The following SYTL5 variants were observed in gnomAD, a reference collection of about 807,000 sequenced individuals.
SYTL5 encodes synaptotagmin like 5, also known as synaptotagmin-like protein 5.
A neutral mutation model predicts 55.9 loss-of-function variants in SYTL5; 34 were observed. The observed-to-expected ratio is 0.61, with a 90% CI of 0.46 to 0.81. The LOEUF (loss-of-function observed/expected upper bound fraction) is 0.81. SYTL5 is among the 30% of genes least tolerant of loss of function. The probability of loss-of-function intolerance (pLI) is 0.00; values close to 1 mark genes in which losing one functional copy is unlikely to be tolerated. For missense variants in SYTL5, 637 were observed against 546.7 expected, an observed-to-expected ratio of 1.17 and a Z score of -1.65; for synonymous variants, 221 against 188.7, an observed-to-expected ratio of 1.17 and a Z score of -1.40.
the SYTL5 span, among the ~76,000 whole-genome samples, chrX:37,935,953 A>G: frequency 8.6e-3 from 963 of 112,272 alleles, 10 homozygotes; most frequent in African/African-American, 0.03. Flanking sequence ...TTTAAAAATG[A>G]TACAACTGTA....
At chrX:38,064,889 T>G (rs1936058537) in intron 3 of SYTL5, among the ~76,000 whole-genome samples, 1 of 111,523 alleles carries the variant, frequency 9.0e-6, no homozygotes, top group Admixed American at 9.5e-5. Context: ...TATTGTTTCT[T>G]AAATTATAGA....
chrX:37,910,545 G>A, the SYTL5 span, among the ~76,000 whole-genome samples: 2 of 112,139 alleles, frequency 1.8e-5, no homozygotes, highest in African/African-American at 6.5e-5. Flanking sequence ...GTCACCTGGA[G>A]GCCTTATTAA....
the SYTL5 span, among the ~76,000 whole-genome samples, chrX:37,938,048 G>T: frequency 8.9e-6 from 1 of 112,286 alleles, no homozygotes; most frequent in Admixed American, 9.4e-5. Flanking sequence ...TGTGAGAAAT[G>T]AATACATGAT....
At chrX:37,974,180 A>G in the SYTL5 span, among the ~76,000 whole-genome samples, 1 of 111,869 alleles carries the variant, frequency 8.9e-6, no homozygotes, top group South Asian at 3.7e-4. Context: ...AAAATTTGCT[A>G]AATAAATGTC....
chrX:37,982,510 A>G, the SYTL5 span, among the ~76,000 whole-genome samples: 1 of 112,839 alleles, frequency 8.9e-6, no homozygotes, highest in East Asian at 2.7e-4. Flanking sequence ...GAGCACTGGT[A>G]AAGGTAATTA....
At chrX:37,957,372 C>A in the SYTL5 span, among the ~76,000 whole-genome samples, 1 of 111,751 alleles carries the variant, frequency 8.9e-6, no homozygotes, top group Non-Finnish European at 1.9e-5. Flanking sequence ...CATTATGAAG[C>A]TTTCCCTGCT....
At chrX:37,903,150 C>T in the SYTL5 span, among the ~76,000 whole-genome samples, 1 of 111,106 alleles carries the variant, frequency 9.0e-6, no homozygotes, top group Non-Finnish European at 1.9e-5. Context: ...GGCGATTCCT[C>T]AGGGATCTAG....
chrX:38,084,588 G>T (rs1351959961), intron 6 of SYTL5, among the ~76,000 whole-genome samples: 1 of 110,940 alleles, frequency 9.0e-6, no homozygotes, highest in African/African-American at 3.3e-5. Flanking sequence ...TGCTTGGTGT[G>T]TGGGGAAAAA....
chrX:38,002,894 G>C (rs1933891616), upstream of SYTL5, among the ~76,000 whole-genome samples: 2 of 111,588 alleles, frequency 1.8e-5, no homozygotes, highest in Non-Finnish European at 3.8e-5. Context: ...TGTCAATTTT[G>C]TCTTTTGTTG....
At chrX:37,958,908 A>G in the SYTL5 span, among the ~76,000 whole-genome samples, 1 of 112,433 alleles carries the variant, frequency 8.9e-6, no homozygotes, top group African/African-American at 3.2e-5. Context: ...GCTTAGAATG[A>G]TCTTTCACTC....
At chrX:37,922,798 G>A in the SYTL5 span, among the ~76,000 whole-genome samples, 1 of 111,250 alleles carries the variant, frequency 9.0e-6, no homozygotes, top group Middle Eastern at 4.2e-3. Context: ...GTATTTTTAC[G>A]TGTGTCACAA....
At position 38,087,895 on chromosome X, in the gene SYTL5, G is replaced by A. The variant is rs142765820; in HGVS notation, c.690-1551G>A. ...CTCTATGATAGCATAGTGGTATGTC[G>A]GTGTGTGTATGCATGTGTGTTTGTG... On this transcript the variant is annotated intron_variant, in intron 6 of 16. Transcript: ENST00000297875. 9.9e-3 allele frequency among the ~76,000 whole-genome samples: 1,097 copies of A among 111,208 alleles called. 6 individuals are homozygous for A. The highest frequency in any genetic ancestry group is 0.025 in the South Asian group (66 of 2,618).
intron 12 of SYTL5, among the ~76,000 whole-genome samples, chrX:38,109,483 G>A (rs1937304371): frequency 9.0e-6 from 1 of 110,805 alleles, no homozygotes; most frequent in Admixed American, 9.7e-5. Flanking sequence ...GTGTGTGGAA[G>A]CAGGAACTAA....
the SYTL5 span, among the ~76,000 whole-genome samples, chrX:37,916,459 T>C: frequency 8.9e-6 from 1 of 112,439 alleles, no homozygotes; most frequent in African/African-American, 3.2e-5. Flanking sequence ...AGATCAGGTA[T>C]AGTTATTTAT....
At chrX:38,110,895 C>G (rs560379337) in intron 13 of SYTL5, among the ~76,000 whole-genome samples, 6 of 111,589 alleles carry the variant, frequency 5.4e-5, no homozygotes, top group African/African-American at 1.9e-4. Flanking sequence ...AGTGATCTTG[C>G]CTTTGCTTAT....
chrX:37,910,967 C>CTTTATTTTTTTTTT, the SYTL5 span, among the ~76,000 whole-genome samples: 1 of 82,756 alleles, frequency 1.2e-5, no homozygotes, highest in African/African-American at 5.5e-5. Flanking sequence ...GATAGCATTA[C>CTTTATTTTTTTTTT]TTTTTTTTTT....
At chrX:38,116,354 A>G (rs1262246432) in intron 13 of SYTL5, among the ~76,000 whole-genome samples, 1 of 112,253 alleles carries the variant, frequency 8.9e-6, no homozygotes, top group African/African-American at 3.2e-5. Flanking sequence ...CATTTCTTAA[A>G]CATTTATTTT....
At position 38,025,646 on chromosome X, in the gene SYTL5, A is replaced by T. The variant is rs751123623; in HGVS notation, c.-356-7888A>T. 4.4e-5 allele frequency among the ~76,000 whole-genome samples: 5 copies of T among 112,396 alleles called. No homozygotes were observed. The South Asian group carries it at 1.5e-3, about 34-fold the overall frequency. On this transcript the variant is annotated intron_variant, in intron 1 of 16. Coordinates refer to ENST00000297875, the MANE Select transcript of SYTL5 (RefSeq NM_138780.3). ...AGAGATCTGTTTAAGTTAGGAATTGAACAATAAAAGAAAAATGAATTTCAC... is the reference window on the plus strand; with the variant it reads ...AGAGATCTGTTTAAGTTAGGAATTGTACAATAAAAGAAAAATGAATTTCAC...
At position 38,106,777 on chromosome X, in the gene SYTL5, C is replaced by T; in HGVS notation, c.1334+6C>T. The stretch of plus-strand genomic sequence containing the variant: ...AAGAAACAGAGGACAGATGCGTAAG[C>T]ACATAGCATGTTCCTCAGACTATTT... On this transcript the variant is annotated splice_donor_region_variant and intron_variant, in intron 11 of 16. Coordinates refer to ENST00000297875, the MANE Select transcript of SYTL5 (RefSeq NM_138780.3). 1 of 1,175,666 alleles carries T rather than the reference C, an allele frequency of 8.5e-7. No individual in the cohort carries two copies. Among genetic ancestry groups the T allele is most frequent in the East Asian group, 3.1e-5 (1 of 32,748 alleles).
Sources: gnomAD v4.1 joint callset for allele counts (sites outside exome capture counted in the v4.1 genomes callset) on GRCh38, gnomAD v4.1.1 for gene constraint, MANE v1.5 for transcripts, NCBI Gene and HGNC (gene_info 2026-07-23, HGNC 2026-07-21) for gene names.